The following MAST4 variants were observed in gnomAD, a reference collection of about 807,000 sequenced individuals.
The protein encoded by MAST4 is microtubule-associated serine/threonine-protein kinase 4.
In MAST4, 89 loss-of-function variants were observed where a neutral mutation model predicts 162.7. The observed-to-expected ratio is 0.55, with a 90% CI of 0.46 to 0.65. The LOEUF is 0.65. MAST4 is among the 30% of genes least tolerant of loss of function. MAST4 has a pLI of 0.00. For synonymous variants in MAST4, 1,479 were observed against 1,361.1 expected, an observed-to-expected ratio of 1.09 and a Z score of -1.91; for missense variants, 3,153 against 3,374.0, an observed-to-expected ratio of 0.93 and a Z score of 1.62.
At chr5:67,041,781 A>G (rs1052933333) in intron 4 of MAST4, among the ~76,000 whole-genome samples, 2 of 152,206 alleles carry the variant, frequency 1.3e-5, no homozygotes, top group African/African-American at 4.8e-5. Flanking sequence ...GGCCTGTGCC[A>G]CCACACCCAG....
chr5:67,059,112 T>C (rs1351723138), intron 5 of MAST4, among the ~76,000 whole-genome samples: 1 of 152,102 alleles, frequency 6.6e-6, no homozygotes, highest in Non-Finnish European at 1.5e-5. Flanking sequence ...CAGATTTAGG[T>C]CATTGCCTTT....
intron 1 of MAST4, among the ~76,000 whole-genome samples, chr5:66,653,525 A>T (rs971977911): frequency 6.6e-6 from 1 of 152,280 alleles, no homozygotes; most frequent in East Asian, 1.9e-4. Context: ...TGTTGCATTC[A>T]AGGCTCTTTC....
intron 9 of MAST4, among the ~76,000 whole-genome samples, chr5:67,104,132 C>T (rs1166578824): frequency 1.3e-5 from 2 of 152,164 alleles, no homozygotes; most frequent in Non-Finnish European, 2.9e-5. Context: ...CCCCAACATG[C>T]ATTAGGGTTC....
At chr5:67,090,254 G>A in intron 6 of MAST4, 23 bp downstream of exon 6, 1 of 1,583,520 alleles carries the variant, frequency 6.3e-7, no homozygotes, top group Non-Finnish European at 8.7e-7. Context: ...TGTGAGTGGA[G>A]GCATAAGGTC....
At chr5:66,889,095 A>C (rs1040741951) in intron 3 of MAST4, among the ~76,000 whole-genome samples, 1 of 152,222 alleles carries the variant, frequency 6.6e-6, no homozygotes, top group Admixed American at 6.5e-5. Flanking sequence ...AATTGGACCC[A>C]ACAATAAGCA....
chr5:67,126,530 G>A (rs942254827), intron 14 of MAST4, among the ~76,000 whole-genome samples: 2 of 152,094 alleles, frequency 1.3e-5, no homozygotes, highest in African/African-American at 4.8e-5. Context: ...TTTTTGTCAA[G>A]TTTGTCAAAG....
intron 1 of MAST4, among the ~76,000 whole-genome samples, chr5:66,632,789 T>G (rs980152535): frequency 1.9e-4 from 29 of 152,178 alleles, no homozygotes; most frequent in African/African-American, 5.8e-4. Context: ...TCAGGAATTG[T>G]TGATAAGTAT....
chr5:66,670,181 T>C (rs2149471986), intron 1 of MAST4, among the ~76,000 whole-genome samples: 1 of 152,294 alleles, frequency 6.6e-6, no homozygotes, highest in East Asian at 1.9e-4. Context: ...CTTCATCTTA[T>C]TCAAAGGAAG....
chr5:67,043,500 A>G (rs1757009142), intron 4 of MAST4, among the ~76,000 whole-genome samples: 1 of 152,198 alleles, frequency 6.6e-6, no homozygotes. Flanking sequence ...AAGTTATTGC[A>G]TTAACTCTGG....
At chr5:66,752,099 A>C (rs925924513) in intron 1 of MAST4, among the ~76,000 whole-genome samples, 2 of 152,168 alleles carry the variant, frequency 1.3e-5, no homozygotes, top group South Asian at 2.1e-4. Flanking sequence ...AATGCTGAGA[A>C]ATTTTGTCAC....
In MAST4 at chr5:67,148,154, G is replaced by A. The variant is rs55761373; in HGVS notation, c.3095-1235G>A. On this transcript the variant is annotated intron_variant, in intron 23 of 28. Coordinates refer to ENST00000403625, the MANE Select transcript of MAST4 (RefSeq NM_001164664.2). ...GTCAGCACTTCGAAATGTGCTGGCC[G>A]CTCTTTCAAAGGATCATTTATAGTG... 5.2e-3 allele frequency among the ~76,000 whole-genome samples: 790 copies of A among 152,292 alleles called. 15 individuals carry two copies. The highest frequency in any genetic ancestry group is 0.018 in the African/African-American group (757 of 41,548).
intron 4 of MAST4, among the ~76,000 whole-genome samples, chr5:66,955,190 C>T (rs113120609): frequency 0.066 from 9,510 of 144,964 alleles, 972 homozygotes; most frequent in African/African-American, 0.23. Context: ...CCAGCCTGGG[C>T]GACAGAGTGA....
chr5:66,596,561 TG>T lies in MAST4; in HGVS notation c.-94del. 1 of 1,282,914 alleles carries T rather than the reference TG, an allele frequency of 7.8e-7. No homozygotes were observed. The highest frequency in any genetic ancestry group is 9.9e-7 in the Non-Finnish European group (1 of 1,015,106). 79.5% of individuals were successfully genotyped at this position (1,282,914 alleles called of 1,614,324 possible). On this transcript the variant is annotated 5_prime_UTR_variant, in exon 1 of 29. Coordinates refer to ENST00000403625, the MANE Select transcript of MAST4 (RefSeq NM_001164664.2). ...TGCAGCCCGGGAGCGGCAGTGCCAGTGAGCCTGAGCCCAGGAGCCCGCGTCT... is the reference window on the plus strand; with the variant it reads ...TGCAGCCCGGGAGCGGCAGTGCCAGTAGCCTGAGCCCAGGAGCCCGCGTCT...
At chr5:66,836,839 A>G (rs955709722) in intron 3 of MAST4, among the ~76,000 whole-genome samples, 4 of 152,148 alleles carry the variant, frequency 2.6e-5, no homozygotes, top group African/African-American at 9.7e-5. Flanking sequence ...AGGGGGTGCT[A>G]TGCTTATTAC....
At chr5:67,098,640 T>C (rs905151008) in intron 7 of MAST4, among the ~76,000 whole-genome samples, 12 of 152,200 alleles carry the variant, frequency 7.9e-5, no homozygotes, top group Non-Finnish European at 1.5e-4. Context: ...TACTGAATGA[T>C]ATCATGACTC....
chr5:66,970,759 T>C (rs906023709), intron 4 of MAST4, among the ~76,000 whole-genome samples: 4 of 152,248 alleles, frequency 2.6e-5, no homozygotes, highest in Admixed American at 6.5e-5. Flanking sequence ...CTGTTCTTAG[T>C]GCTGCACGTA....
chr5:67,135,339 A>T (rs1032981867), intron 18 of MAST4, among the ~76,000 whole-genome samples: 1 of 152,176 alleles, frequency 6.6e-6, no homozygotes, highest in Non-Finnish European at 1.5e-5. Flanking sequence ...ACTAAATGAT[A>T]ATTAAATAGG....
At chr5:66,871,847 T>C (rs1367954416) in intron 3 of MAST4, among the ~76,000 whole-genome samples, 5 of 152,200 alleles carry the variant, frequency 3.3e-5, no homozygotes, top group Admixed American at 2.6e-4. Flanking sequence ...TCAGATGTCC[T>C]GAGGGTAAAA....
At chr5:67,040,917 C>G (rs1756664588) in intron 4 of MAST4, among the ~76,000 whole-genome samples, 1 of 152,172 alleles carries the variant, frequency 6.6e-6, no homozygotes, top group Non-Finnish European at 1.5e-5. Flanking sequence ...CTTACTAGTT[C>G]TGTGATCTTG....
Sources: allele counts gnomAD v4.1 joint callset (sites outside exome capture counted in the v4.1 genomes callset), GRCh38; gene constraint gnomAD v4.1.1; transcripts MANE v1.5; gene names NCBI Gene and HGNC (gene_info 2026-07-23, HGNC 2026-07-21).